ARB2A: variants seen among roughly 807,000 people sequenced by gnomAD.
ARB2A encodes the protein cotranscriptional regulator ARB2A.
chr5:93,977,451 T>G, the ARB2A span, among the ~76,000 whole-genome samples: 1 of 151,962 alleles, frequency 6.6e-6, no homozygotes, highest in African/African-American at 2.4e-5. Context: ...ACGGACCCCC[T>G]GAAATAAAGT....
At chr5:94,108,811 T>C in the ARB2A span, among the ~76,000 whole-genome samples, 1 of 152,122 alleles carries the variant, frequency 6.6e-6, no homozygotes, top group Non-Finnish European at 1.5e-5. Context: ...GGTGGGAATG[T>C]AAAATGAGGT....
At chr5:94,060,385 A>T in the ARB2A span, among the ~76,000 whole-genome samples, 1 of 152,172 alleles carries the variant, frequency 6.6e-6, no homozygotes, top group Non-Finnish European at 1.5e-5. Flanking sequence ...TATTAGTGAC[A>T]ACCCTATACA....
chr5:93,962,196 C>A, the ARB2A span, among the ~76,000 whole-genome samples: 4 of 152,254 alleles, frequency 2.6e-5, 1 homozygote, highest in South Asian at 8.3e-4. Context: ...ATCTCAGACA[C>A]CTTTTGGTTG....
chr5:94,023,254 C>T, the ARB2A span, among the ~76,000 whole-genome samples: 12 of 152,268 alleles, frequency 7.9e-5, no homozygotes, highest in East Asian at 1.9e-3. Context: ...TGAATGGGAA[C>T]GTACTGAAGG....
chr5:93,836,032 T>A, the ARB2A span, among the ~76,000 whole-genome samples: 12,949 of 150,538 alleles, frequency 0.086, 788 homozygotes, highest in Middle Eastern at 0.17. Context: ...AAAGAAAAAA[T>A]TTTTTTTTTC....
chr5:93,676,646 T>G, the ARB2A span, among the ~76,000 whole-genome samples: 1 of 152,210 alleles, frequency 6.6e-6, no homozygotes, highest in Admixed American at 6.5e-5. Flanking sequence ...GGAAGGAGCC[T>G]AGATAAAATG....
At chr5:93,988,870 T>A in the ARB2A span, among the ~76,000 whole-genome samples, 2 of 152,162 alleles carry the variant, frequency 1.3e-5, no homozygotes, top group African/African-American at 4.8e-5. Context: ...GTCACACATC[T>A]AAATAAGTCA....
the ARB2A span, among the ~76,000 whole-genome samples, chr5:93,956,977 T>C: frequency 6.6e-6 from 1 of 152,222 alleles, no homozygotes; most frequent in Non-Finnish European, 1.5e-5. Context: ...GTGTGCTGCA[T>C]GCTTAGAAAT....
chr5:93,621,898 C>G, the ARB2A span, among the ~76,000 whole-genome samples: 1 of 152,154 alleles, frequency 6.6e-6, no homozygotes, highest in Non-Finnish European at 1.5e-5. Context: ...AAAAGAGCAT[C>G]TAGGCCTCCC....
chr5:93,703,078 G>A, the ARB2A span, among the ~76,000 whole-genome samples: 1 of 152,134 alleles, frequency 6.6e-6, no homozygotes, highest in East Asian at 1.9e-4. Flanking sequence ...AAAGCACCAA[G>A]GTATAACTTG....
At chr5:93,767,870 T>G in the ARB2A span, among the ~76,000 whole-genome samples, 2 of 151,440 alleles carry the variant, frequency 1.3e-5, no homozygotes, top group African/African-American at 4.9e-5. Context: ...GGCGGGCACC[T>G]GTAGTCCCAG....
At chr5:94,098,901 A>G in the ARB2A span, among the ~76,000 whole-genome samples, 5 of 152,200 alleles carry the variant, frequency 3.3e-5, no homozygotes, top group African/African-American at 9.6e-5. Context: ...ATTCCTGGAC[A>G]CATGTACCCT....
chr5:93,802,104 C>G, the ARB2A span, among the ~76,000 whole-genome samples: 1 of 151,870 alleles, frequency 6.6e-6, no homozygotes, highest in African/African-American at 2.4e-5. Context: ...AAATGCAACA[C>G]AAAATTCAAA....
At chr5:93,910,502 G>C in the ARB2A span, among the ~76,000 whole-genome samples, 1 of 151,202 alleles carries the variant, frequency 6.6e-6, no homozygotes, top group African/African-American at 2.4e-5. Context: ...GGTAAAATAA[G>C]CATTTTCCAC....
chr5:94,078,216 T>C, the ARB2A span, among the ~76,000 whole-genome samples: 4 of 152,268 alleles, frequency 2.6e-5, no homozygotes, highest in East Asian at 7.7e-4. Context: ...ACAAAATATA[T>C]CACAGAACAC....
At chr5:93,640,477 C>T in the ARB2A span, among the ~76,000 whole-genome samples, 2 of 151,676 alleles carry the variant, frequency 1.3e-5, no homozygotes, top group East Asian at 3.9e-4. Context: ...AATCTTAATC[C>T]TTACCTTATG....
At chr5:93,896,198 A>G in the ARB2A span, among the ~76,000 whole-genome samples, 1 of 152,216 alleles carries the variant, frequency 6.6e-6, no homozygotes, top group East Asian at 1.9e-4. Flanking sequence ...TAAAAAATCC[A>G]TTGTCATAAC....
At chr5:94,066,084 G>C in the ARB2A span, among the ~76,000 whole-genome samples, 1 of 152,064 alleles carries the variant, frequency 6.6e-6, no homozygotes, top group African/African-American at 2.4e-5. Flanking sequence ...AACTAAACTT[G>C]CTTCTGAATG....
chr5:93,967,027 AAC>A, the ARB2A span, among the ~76,000 whole-genome samples: 2 of 152,098 alleles, frequency 1.3e-5, no homozygotes, highest in Non-Finnish European at 2.9e-5. Context: ...AAAAAAAAAA[AAC>A]ATTTTCTAAT....
Sources: allele counts gnomAD v4.1 joint callset (sites outside exome capture counted in the v4.1 genomes callset), GRCh38; gene constraint gnomAD v4.1.1; transcripts MANE v1.5; gene names NCBI Gene and HGNC (gene_info 2026-07-23, HGNC 2026-07-21).